The following TECPR1 variants were observed in gnomAD, a reference collection of about 807,000 sequenced individuals.
TECPR1 encodes the protein tectonin beta-propeller repeat-containing protein 1.
TECPR1 carries 122 observed loss-of-function variants against 162.4 expected under a neutral mutation model. The ratio of observed to expected loss-of-function variants is 0.75; its 90% confidence interval spans 0.65 to 0.87. The LOEUF is 0.87. Among genes scored for constraint, TECPR1 ranks in the 40% least tolerant of loss-of-function variants. TECPR1 has a pLI of 0.00. For missense variants in TECPR1, 1,432 were observed against 1,618.2 expected, an observed-to-expected ratio of 0.88 and a Z score of 1.97; for synonymous variants, 642 against 670.6, an observed-to-expected ratio of 0.96 and a Z score of 0.66.
At chr7:98,221,216 C>T (rs920023313) in intron 23 of TECPR1, among the ~76,000 whole-genome samples, 1 of 152,030 alleles carries the variant, frequency 6.6e-6, no homozygotes, top group Non-Finnish European at 1.5e-5. Flanking sequence ...GCAGGAGAAT[C>T]GCTTGAACTC....
chr7:98,229,214 C>G, intron 15 of TECPR1, 48 bp from the exon 16 acceptor site: 1 of 1,532,028 alleles, frequency 6.5e-7, no homozygotes, highest in South Asian at 1.2e-5. Context: ...ACCCCACCTT[C>G]CAACCCTGCC....
intron 24 of TECPR1, 50 bp downstream of exon 24, chr7:98,217,886 A>G: frequency 6.5e-7 from 1 of 1,545,114 alleles, no homozygotes; most frequent in East Asian, 2.5e-5. Flanking sequence ...GGGAGACCAG[A>G]GAGGGAACCA....
chr7:98,240,904 T>C lies in TECPR1; in HGVS notation c.880A>G (p.Met294Val), dbSNP rs775376300. Residue 294 changes from methionine to valine, a missense_variant, in exon 8 of 26, where the codon ATG (methionine) becomes GTG (valine). Met to Val is a conservative substitution (Grantham distance 21). Coordinates refer to ENST00000447648, the MANE Select transcript of TECPR1 (RefSeq NM_015395.3). ...ACGCTGACTCCCACCGAGATGTGCA[T>C]GACCCCGTTTTCAGATCCAGGAGGC... Reference protein sequence around the residue: ...VEPPGSENGVMHISVGVSVVW... With the variant: ...VEPPGSENGVVHISVGVSVVW... 3 of 1,608,934 alleles carry C rather than the reference T, an allele frequency of 1.9e-6. No homozygotes were observed. In the East Asian group the frequency reaches 6.7e-5, roughly 36 times the overall value.
In TECPR1 at chr7:98,245,167, G is replaced by A. The variant is rs558199899; in HGVS notation, c.226-100C>T. On this transcript the variant is annotated intron_variant, in intron 3 of 25. Coordinates refer to ENST00000447648, the MANE Select transcript of TECPR1 (RefSeq NM_015395.3). ...CAGGACCAGCTGACCCTGCCCAGCCGACCCCCTCATTGATCTCCAGAATAG... is the reference window on the plus strand; with the variant it reads ...CAGGACCAGCTGACCCTGCCCAGCCAACCCCCTCATTGATCTCCAGAATAG... 4.3e-5 allele frequency: 57 copies of A among 1,317,532 alleles called. 1 individual carries two copies. Among genetic ancestry groups the A allele is most frequent in the African/African-American group, 3.9e-4 (27 of 68,794 alleles). The allele number at this position is 1,317,532 out of a possible 1,614,324, so 81.6% of individuals were successfully genotyped here. A position where few individuals can be genotyped will look rare whatever the true frequency, so the allele number is the denominator to read the frequency against.
In TECPR1 at chr7:98,233,518, C is replaced by T. The variant is rs371532016; in HGVS notation, c.1575G>A (p.Pro525=). Residue 525 remains proline, a synonymous_variant, in exon 11 of 26, where the codon CCG becomes CCA. Coordinates refer to ENST00000447648, the MANE Select transcript of TECPR1 (RefSeq NM_015395.3). ...LGLLPLGLEE[P]YGVDDHPLWA... is the part of the protein sequence containing the mutation. ...ACAGCGGGTGGTCATCCACCCCATA[C>T]GGCTCCTCCAAGCCCAGTGGGAGGA... 51 of 1,564,676 alleles carry T rather than the reference C, an allele frequency of 3.3e-5. No homozygotes were observed. Among genetic ancestry groups the T allele is most frequent in the South Asian group, 4.7e-5 (4 of 85,016 alleles).
intron 15 of TECPR1, 141 bp from the exon 16 acceptor site, chr7:98,229,307 C>A: frequency 8.8e-7 from 1 of 1,130,030 alleles, no homozygotes; most frequent in Non-Finnish European, 1.2e-6. Flanking sequence ...ATCCACCCTG[C>A]CTGACCTCCG....
At chr7:98,244,769 G>A (rs1798858252) in intron 4 of TECPR1, 76 bp from the exon 5 acceptor site, 2 of 1,581,624 alleles carry the variant, frequency 1.3e-6, no homozygotes, top group Middle Eastern at 1.7e-4. Flanking sequence ...GGGAGGGAGG[G>A]TGTGGCCTGA....
At position 98,230,984 on chromosome 7, in the gene TECPR1, C is replaced by A. The variant is rs754425877; in HGVS notation, c.2259G>T (p.Glu753Asp). The change falls in exon 15 of 26, where the codon GAG becomes GAT. Residue 753 changes from glutamate (E) to aspartate (D), a missense_variant. Coordinates refer to ENST00000447648, the MANE Select transcript of TECPR1 (RefSeq NM_015395.3). ...ACATCTGGTCGCAGGGCAGGGGGTG[C>A]TCGTGGGCCTCCAGGTCTGGGCTGG... The part of the protein sequence containing the change: ...SEPSPDLEAH[E>D]HPLPCDQMFW... 3 of 1,612,150 alleles carry A rather than the reference C, an allele frequency of 1.9e-6. No individual in the cohort carries two copies. In the African/African-American group the frequency reaches 4.0e-5, roughly 22 times the overall value.
At chr7:98,225,489 C>T (rs894300966) in intron 17 of TECPR1, among the ~76,000 whole-genome samples, 4 of 150,280 alleles carry the variant, frequency 2.7e-5, no homozygotes, top group African/African-American at 7.3e-5. Context: ...GAGCGGAGAT[C>T]GTGCCACTAC....
At chr7:98,233,013 GC>G in intron 11 of TECPR1, 41 bp from the exon 12 acceptor site, 1 of 1,553,960 alleles carries the variant, frequency 6.4e-7, no homozygotes, top group Non-Finnish European at 8.7e-7. Context: ...GCACTGTCCT[GC>G]CCGCAGCTGG....
intron 2 of TECPR1, among the ~76,000 whole-genome samples, chr7:98,246,591 T>C (rs1798918248): frequency 6.6e-6 from 1 of 151,004 alleles, no homozygotes; most frequent in South Asian, 2.1e-4. Flanking sequence ...TTTTTTTGTT[T>C]ATTTTTTTGA....
intron 11 of TECPR1, 147 bp from the exon 12 acceptor site, chr7:98,233,119 G>A: frequency 2.2e-6 from 2 of 916,414 alleles, no homozygotes; most frequent in Non-Finnish European, 3.1e-6. Flanking sequence ...TTGCCCTGTT[G>A]GATGAGTTGC....
At chr7:98,223,350 C>T (rs562984890) in intron 20 of TECPR1, among the ~76,000 whole-genome samples, 180 bp from the exon 21 acceptor site, 3 of 149,890 alleles carry the variant, frequency 2.0e-5, no homozygotes, top group Admixed American at 6.6e-5. Flanking sequence ...GCCCCCACCC[C>T]CACCCCCAGC....
At chr7:98,238,886 C>T (rs1475149887) in intron 8 of TECPR1, among the ~76,000 whole-genome samples, 1 of 152,238 alleles carries the variant, frequency 6.6e-6, no homozygotes, top group Non-Finnish European at 1.5e-5. Context: ...GCCCATTCTC[C>T]AGCCTAACGC....
At chr7:98,242,578 C>T (rs1798779646) in intron 6 of TECPR1, among the ~76,000 whole-genome samples, 1 of 150,660 alleles carries the variant, frequency 6.6e-6, no homozygotes, top group Admixed American at 6.6e-5. Context: ...ACCCACCCAT[C>T]CATCCACCCA....
In TECPR1 at chr7:98,225,106, C is replaced by T. The variant is rs940820568; in HGVS notation, c.2514-4G>A. 5.8e-6 allele frequency: 9 copies of T among 1,564,432 alleles called. No individual in the cohort carries two copies. The highest frequency in any genetic ancestry group is 2.4e-5 in the South Asian group (2 of 84,700). ...GTACCGGTCCGTGGGCAGACCCCTG[C>T]GGCAGGACAACAGGGCAGGTGACGA... is the stretch of plus-strand genomic sequence containing the variant. On this transcript the variant is annotated splice_polypyrimidine_tract_variant and splice_region_variant and intron_variant, in intron 17 of 25. Coordinates refer to ENST00000447648, the MANE Select transcript of TECPR1 (RefSeq NM_015395.3).
At chr7:98,234,825 C>A (rs1798551388) in intron 10 of TECPR1, among the ~76,000 whole-genome samples, 1 of 150,714 alleles carries the variant, frequency 6.6e-6, no homozygotes, top group Admixed American at 6.7e-5. Context: ...ATCCTCCCAC[C>A]TCTGCCTTGT....
At position 98,238,622 on chromosome 7, in the gene TECPR1, A is replaced by G; in HGVS notation, c.934-12T>C. On this transcript the variant is annotated splice_polypyrimidine_tract_variant and intron_variant, in intron 8 of 25. Coordinates refer to ENST00000447648, the MANE Select transcript of TECPR1 (RefSeq NM_015395.3). ...CTTCGGAACCACACCTGGGGGAGTCAGAAATAAACATGCCTTCCTGGAGGG... is the reference window on the plus strand; with the variant it reads ...CTTCGGAACCACACCTGGGGGAGTCGGAAATAAACATGCCTTCCTGGAGGG... 6.4e-7 allele frequency: 1 copy of G among 1,556,128 alleles called. No individual in the cohort carries two copies. The highest frequency in any genetic ancestry group is 8.7e-7 in the Non-Finnish European group (1 of 1,149,112).
At chr7:98,246,846 G>C (rs1415473962) in intron 2 of TECPR1, among the ~76,000 whole-genome samples, 1 of 151,906 alleles carries the variant, frequency 6.6e-6, no homozygotes, top group African/African-American at 2.4e-5. Context: ...GCCTCCCGAA[G>C]TGTTGGGATT....
Sources: allele counts gnomAD v4.1 joint callset (sites outside exome capture counted in the v4.1 genomes callset), GRCh38; gene constraint gnomAD v4.1.1; transcripts MANE v1.5; gene names NCBI Gene and HGNC (gene_info 2026-07-23, HGNC 2026-07-21).